Variants in USP28 observed in about 807,000 individuals in gnomAD.
USP28 encodes the protein ubiquitin carboxyl-terminal hydrolase 28.
Under a neutral mutation model 145.0 loss-of-function variants are expected in USP28, and 113 were observed. The observed-to-expected ratio is 0.78, with a 90% CI of 0.67 to 0.91. USP28 has a LOEUF of 0.91. Among genes scored for constraint, USP28 ranks in the 40% least tolerant of loss-of-function variants. The pLI is 0.00. For synonymous variants in USP28, 447 were observed against 450.9 expected (o/e 0.99, Z 0.11); for missense variants, 1,201 against 1,289.6 (o/e 0.93, Z 1.05).
At chr11:113,838,802 G>C (rs1944869351) in intron 5 of USP28, among the ~76,000 whole-genome samples, 1 of 152,218 alleles carries the variant, frequency 6.6e-6, no homozygotes, top group Admixed American at 6.5e-5. Flanking sequence ...TACGGGCTTT[G>C]TTTTAGTCAC....
exon 19 of USP28, chr11:113,806,508 G>C (rs139463252): frequency 1.9e-6 from 3 of 1,612,184 alleles, no homozygotes; most frequent in Non-Finnish European, 2.5e-6. Flanking sequence ...CCCTGCTTCA[G>C]ACCCATCTCG....
At chr11:113,823,241 G>A (rs987098340) in intron 12 of USP28, among the ~76,000 whole-genome samples, 7 of 152,164 alleles carry the variant, frequency 4.6e-5, no homozygotes, top group South Asian at 2.1e-4. Context: ...AGACACTTCA[G>A]AAACTGCTTT....
Position 113,799,419 on chromosome 11 carries a change from T to C in USP28, c.3059-4A>G. ...CCTAGGCACAGCTGCAGATTTTCTG[T>C]GGAGGGAAAACAGATGGTTACATAT... On this transcript the variant is annotated splice_polypyrimidine_tract_variant and splice_region_variant and intron_variant, in intron 24 of 24. Coordinates refer to ENST00000003302, the Ensembl canonical transcript of USP28. The C allele has an allele frequency of 1.2e-6, 2 of 1,610,506 alleles. No homozygotes were observed. Among genetic ancestry groups the C allele is most frequent in the African/African-American group, 1.4e-5 (1 of 73,306 alleles).
chr11:113,866,755 T>C (rs1423653622), intron 1 of USP28, among the ~76,000 whole-genome samples: 1 of 152,166 alleles, frequency 6.6e-6, no homozygotes, highest in Non-Finnish European at 1.5e-5. Flanking sequence ...CTCAAGAAGT[T>C]AAACATAGAA....
intron 22 of USP28, 115 bp downstream of exon 23, chr11:113,803,683 A>T: frequency 1.3e-6 from 1 of 775,468 alleles, no homozygotes; most frequent in Non-Finnish European, 2.1e-6. Flanking sequence ...GAGGCACACT[A>T]GTGTATGTGA....
At chr11:113,868,959 G>T (rs1215703386) in intron 1 of USP28, among the ~76,000 whole-genome samples, 1 of 151,294 alleles carries the variant, frequency 6.6e-6, no homozygotes, top group Non-Finnish European at 1.5e-5. Context: ...GAAAGAAAAG[G>T]AATAAATAAA....
In USP28 at chr11:113,799,432, G is replaced by T. The variant is rs747246109; in HGVS notation, c.3059-17C>A. Reference sequence around the variant, plus strand: ...GCAGATTTTCTGTGGAGGGAAAACAGATGGTTACATATACAGCTAAACAGA... The same window carrying T: ...GCAGATTTTCTGTGGAGGGAAAACATATGGTTACATATACAGCTAAACAGA... On this transcript the variant is annotated splice_polypyrimidine_tract_variant and intron_variant, in intron 24 of 24. Transcript: ENST00000003302. 2.2e-5 allele frequency: 36 copies of T among 1,609,120 alleles called. No individual in the cohort carries two copies. Among genetic ancestry groups the T allele is most frequent in the Non-Finnish European group, 2.0e-5 (24 of 1,178,652 alleles).
chr11:113,815,243 C>T, exon 14 of USP28: 3 of 1,614,192 alleles, frequency 1.9e-6, no homozygotes, highest in Non-Finnish European at 2.5e-6. Flanking sequence ...ATCTCCTCAT[C>T]TGTGACTGTT....
chr11:113,857,272 A>T (rs527999276), intron 1 of USP28, among the ~76,000 whole-genome samples: 3 of 152,348 alleles, frequency 2.0e-5, no homozygotes, highest in Admixed American at 6.5e-5. Context: ...TTAACACAGC[A>T]TAATACATTT....
intron 9 of USP28, chr11:113,829,603 G>A: frequency 5.0e-6 from 2 of 401,140 alleles, no homozygotes; most frequent in Non-Finnish European, 8.9e-6. Flanking sequence ...CAAGGTGGGA[G>A]GATCACTTGA....
chr11:113,868,246 G>A (rs1304228475), intron 1 of USP28, among the ~76,000 whole-genome samples: 3 of 152,040 alleles, frequency 2.0e-5, no homozygotes, highest in Non-Finnish European at 4.4e-5. Context: ...AAAAATACTG[G>A]GACTTGCCTG....
intron 13 of USP28, among the ~76,000 whole-genome samples, chr11:113,816,507 A>G (rs1430520984): frequency 6.6e-6 from 1 of 152,080 alleles, no homozygotes; most frequent in African/African-American, 2.4e-5. Flanking sequence ...GTGAGACTCC[A>G]TCTCAAAAAA....
chr11:113,803,070 G>T, intron 23 of USP28, 88 bp downstream of exon 24: 1 of 1,378,354 alleles, frequency 7.3e-7, no homozygotes, highest in Non-Finnish European at 9.6e-7. Context: ...GTTGGAGATA[G>T]TCTGTTTTGA....
At chr11:113,856,144 G>GA (rs1193857199) in intron 1 of USP28, among the ~76,000 whole-genome samples, 4 of 152,154 alleles carry the variant, frequency 2.6e-5, no homozygotes, top group African/African-American at 9.7e-5. Context: ...GTAATTTTTA[G>GA]AAAAATTAAA....
At chr11:113,852,131 C>T (rs1946531058) in intron 3 of USP28, among the ~76,000 whole-genome samples, 1 of 152,190 alleles carries the variant, frequency 6.6e-6, no homozygotes, top group Non-Finnish European at 1.5e-5. Context: ...CGGGTTCATG[C>T]CATTCTCCTG....
intron 1 of USP28, chr11:113,859,432 G>T (rs1043405383): frequency 6.6e-6 from 1 of 152,054 alleles, no homozygotes; most frequent in East Asian, 1.9e-4. Flanking sequence ...GCAAATTCAT[G>T]AAGTGTTCCA....
At chr11:113,869,052 T>G (rs1010155923) in intron 1 of USP28, among the ~76,000 whole-genome samples, 12 of 151,576 alleles carry the variant, frequency 7.9e-5, no homozygotes, top group African/African-American at 2.9e-4. Flanking sequence ...CCCAGCACTT[T>G]TGGAGGCTGA....
intron 16 of USP28, 53 bp from the exon 17 acceptor site, chr11:113,809,307 T>C (rs1355935900): frequency 1.3e-6 from 2 of 1,537,090 alleles, no homozygotes; most frequent in Admixed American, 3.8e-5. Context: ...AAAACATCCT[T>C]TTTAGAAAAG....
chr11:113,870,977 G>T (rs563807339), intron 1 of USP28, among the ~76,000 whole-genome samples: 1 of 152,150 alleles, frequency 6.6e-6, no homozygotes, highest in Non-Finnish European at 1.5e-5. Flanking sequence ...ACAAGTGCAC[G>T]GTAAAATGGA....
Sources: gnomAD v4.1 joint callset for allele counts (sites outside exome capture counted in the v4.1 genomes callset) on GRCh38, gnomAD v4.1.1 for gene constraint, MANE v1.5 for transcripts, NCBI Gene and HGNC (gene_info 2026-07-23, HGNC 2026-07-21) for gene names.